The following C1QTNF7 variants were observed in gnomAD, a reference collection of about 807,000 sequenced individuals.
C1QTNF7 encodes C1q and TNF related 7.
In C1QTNF7, 15 loss-of-function variants were observed where a neutral mutation model predicts 19.6. The observed-to-expected ratio is 0.76, with a 90% CI of 0.51 to 1.18. C1QTNF7 has a LOEUF of 1.18. Among genes scored for constraint, C1QTNF7 ranks in the 50% most tolerant of loss-of-function variants. The probability of loss-of-function intolerance (pLI) is 0.00; values close to 1 mark genes in which losing one functional copy is unlikely to be tolerated. For missense variants in C1QTNF7, 324 were observed against 359.7 expected, an observed-to-expected ratio of 0.90 and a Z score of 0.80; for synonymous variants, 142 against 137.5, an observed-to-expected ratio of 1.03 and a Z score of -0.23.
Position 15,351,541 on chromosome 4 carries a change from C to T in C1QTNF7, c.13+11334C>T, listed in dbSNP as rs543393832. Among the ~76,000 whole-genome samples the T allele has an allele frequency of 7.9e-5, 12 of 152,282 alleles. No individual in the cohort carries two copies. The South Asian group carries it at 2.5e-3, about 32-fold the overall frequency. ...AATAAAGGAGAGTAGGAATTTTAGC[C>T]ATTTCTCAACCATGGCTGCACCTTA... On this transcript the variant is annotated intron_variant, in intron 1 of 2. Transcript: ENST00000295297.
intron 1 of C1QTNF7, among the ~76,000 whole-genome samples, chr4:15,350,185 G>GGAAA (rs1716868292): frequency 3.3e-5 from 1 of 30,036 alleles, no homozygotes; most frequent in African/African-American, 1.3e-4. Flanking sequence ...GAGGGAGGCA[G>GGAAA]GAAGGAAGGA....
intron 1 of C1QTNF7, among the ~76,000 whole-genome samples, chr4:15,390,758 GGAATTATT>G (rs1465439829): frequency 2.6e-5 from 4 of 152,106 alleles, no homozygotes; most frequent in African/African-American, 9.7e-5. Context: ...ACTCAGGAAA[GGAATTATT>G]AGTCCAATGT....
chr4:15,423,552 C>T (rs1711889870), upstream of C1QTNF7, among the ~76,000 whole-genome samples: 1 of 152,236 alleles, frequency 6.6e-6, no homozygotes, highest in Non-Finnish European at 1.5e-5. Flanking sequence ...CAGGCACCAC[C>T]TCTACCTGGT....
chr4:15,373,548 C>G (rs965735467), intron 1 of C1QTNF7, among the ~76,000 whole-genome samples: 18 of 152,170 alleles, frequency 1.2e-4, no homozygotes, highest in Non-Finnish European at 5.9e-5. Flanking sequence ...TGCAATGGGA[C>G]AGGGATCACA....
intron 1 of C1QTNF7, among the ~76,000 whole-genome samples, chr4:15,393,252 C>G (rs1718652002): frequency 6.6e-6 from 1 of 152,188 alleles, no homozygotes; most frequent in Non-Finnish European, 1.5e-5. Flanking sequence ...CATTAAGCCT[C>G]TTTTTCTTTA....
At chr4:15,363,238 G>C (rs1717402875) in intron 1 of C1QTNF7, among the ~76,000 whole-genome samples, 1 of 151,796 alleles carries the variant, frequency 6.6e-6, no homozygotes, top group Non-Finnish European at 1.5e-5. Flanking sequence ...CTTTCAGCCA[G>C]GTGGAGCTGT....
At chr4:15,369,854 C>T (rs1243611252) in intron 1 of C1QTNF7, among the ~76,000 whole-genome samples, 1 of 152,100 alleles carries the variant, frequency 6.6e-6, no homozygotes, top group Non-Finnish European at 1.5e-5. Context: ...TGTGAGATAA[C>T]ACCAAGAAAG....
chr4:15,386,465 G>A (rs1433743553), intron 1 of C1QTNF7, among the ~76,000 whole-genome samples: 3 of 152,210 alleles, frequency 2.0e-5, no homozygotes, highest in African/African-American at 4.8e-5. Flanking sequence ...ACCTGCCCTC[G>A]TGGAGCTTAT....
intron 1 of C1QTNF7, among the ~76,000 whole-genome samples, chr4:15,347,214 C>T (rs952095634): frequency 1.3e-5 from 2 of 152,062 alleles, no homozygotes; most frequent in Non-Finnish European, 2.9e-5. Flanking sequence ...AGAATTTATC[C>T]AAGCTATCAA....
intron 1 of C1QTNF7, among the ~76,000 whole-genome samples, chr4:15,377,362 A>G (rs1335596296): frequency 1.3e-5 from 2 of 152,122 alleles, no homozygotes; most frequent in African/African-American, 4.8e-5. Context: ...TGAACTTTCT[A>G]TCATCTTTGA....
At chr4:15,431,792 T>A (rs1018551261) in intron 1 of C1QTNF7, among the ~76,000 whole-genome samples, 2 of 152,082 alleles carry the variant, frequency 1.3e-5, no homozygotes, top group African/African-American at 4.8e-5. Context: ...TCAACAAAGA[T>A]CCCTGCCCTC....
At chr4:15,348,636 G>T (rs1166313354) in intron 1 of C1QTNF7, among the ~76,000 whole-genome samples, 2 of 152,212 alleles carry the variant, frequency 1.3e-5, no homozygotes, top group African/African-American at 4.8e-5. Flanking sequence ...TCACTGCAAT[G>T]CATGGTGTTC....
chr4:15,404,220 G>A (rs1719110410), intron 1 of C1QTNF7, among the ~76,000 whole-genome samples: 1 of 152,118 alleles, frequency 6.6e-6, no homozygotes, highest in African/African-American at 2.4e-5. Context: ...CCAAAACCAT[G>A]AGCTGCTCCT....
chr4:15,426,184 G>T (rs1712038569), upstream of C1QTNF7, among the ~76,000 whole-genome samples: 1 of 152,192 alleles, frequency 6.6e-6, no homozygotes, highest in Admixed American at 6.5e-5. Flanking sequence ...AAGATTATCT[G>T]CCTAGGAAAG....
At chr4:15,345,649 A>G (rs1011944184) in intron 1 of C1QTNF7, among the ~76,000 whole-genome samples, 1 of 152,244 alleles carries the variant, frequency 6.6e-6, no homozygotes, top group Admixed American at 6.5e-5. Flanking sequence ...AAAACAACAC[A>G]TAAATTAATA....
chr4:15,418,927 A>T (rs1024848182), intron 1 of C1QTNF7, among the ~76,000 whole-genome samples: 1 of 152,162 alleles, frequency 6.6e-6, no homozygotes, highest in Non-Finnish European at 1.5e-5. Flanking sequence ...GACCACTGAG[A>T]TGCCACCCAA....
intron 1 of C1QTNF7, among the ~76,000 whole-genome samples, chr4:15,429,482 A>C (rs1416443954): frequency 1.3e-5 from 2 of 152,164 alleles, no homozygotes; most frequent in African/African-American, 4.8e-5. Flanking sequence ...GAGGAATCAC[A>C]CAATATTTGT....
At chr4:15,361,618 C>T (rs1418328416) in intron 1 of C1QTNF7, among the ~76,000 whole-genome samples, 2 of 152,100 alleles carry the variant, frequency 1.3e-5, no homozygotes, top group Non-Finnish European at 2.9e-5. Flanking sequence ...ATATTTCAGC[C>T]AGACATTCAA....
chr4:15,435,800 G>T lies in C1QTNF7; in HGVS notation c.57G>T (p.Arg19=). 1 of 1,614,100 alleles carries T rather than the reference G, an allele frequency of 6.2e-7. No individual in the cohort carries two copies. The highest frequency in any genetic ancestry group is 8.5e-7 in the Non-Finnish European group (1 of 1,180,034). Residue 19 remains arginine (R), a synonymous_variant, in exon 2 of 3, where the codon CGG becomes CGT. Transcript: ENST00000444304. The part of the protein sequence containing the change: ...SFAICASGQP[R]GNQLKGENYS... ...CCATTTGTGCCAGTGGACAACCCCGGGGTAATCAGTTGAAAGGAGAGAACT... is the reference window on the plus strand; with the variant it reads ...CCATTTGTGCCAGTGGACAACCCCGTGGTAATCAGTTGAAAGGAGAGAACT...
Sources: allele counts gnomAD v4.1 joint callset (sites outside exome capture counted in the v4.1 genomes callset), GRCh38; gene constraint gnomAD v4.1.1; transcripts MANE v1.5; gene names NCBI Gene and HGNC (gene_info 2026-07-23, HGNC 2026-07-21).